Variants in TRAPPC9 observed in about 807,000 individuals in gnomAD.
TRAPPC9 encodes the protein trafficking protein particle complex subunit 9.
A neutral mutation model predicts 124.0 loss-of-function variants in TRAPPC9; 83 were observed. The ratio of observed to expected loss-of-function variants is 0.67; its 90% CI spans 0.56 to 0.80. TRAPPC9 has a LOEUF of 0.80. Among genes scored for constraint, TRAPPC9 ranks in the 30% least tolerant of loss-of-function variants. The pLI, the probability that TRAPPC9 is intolerant of heterozygous loss-of-function variation, is 0.00. For missense variants in TRAPPC9, 1,302 were observed against 1,508.3 expected, an observed-to-expected ratio of 0.86 and a Z score of 2.27; for synonymous variants, 638 against 617.5, an observed-to-expected ratio of 1.03 and a Z score of -0.49.
At chr8:139,995,579 T>C (rs1460025317) in intron 18 of TRAPPC9, among the ~76,000 whole-genome samples, 1 of 152,138 alleles carries the variant, frequency 6.6e-6, no homozygotes, top group Admixed American at 6.5e-5. Context: ...GAAGCTCATA[T>C]CCTGCCTTTG....
At chr8:140,458,289 C>A (rs1270757346), upstream of TRAPPC9, 10 of 1,556,260 alleles carry the variant, frequency 6.4e-6, no homozygotes, top group Non-Finnish European at 8.7e-6. Context: ...ACCAGTCCTT[C>A]AGGGCGCGCA....
intron 18 of TRAPPC9, among the ~76,000 whole-genome samples, chr8:140,013,794 A>ATTAT (rs1839284462): frequency 6.6e-6 from 1 of 152,224 alleles, no homozygotes; most frequent in Non-Finnish European, 1.5e-5. Context: ...ATAATTTTTC[A>ATTAT]GACACTTTAT....
intron 17 of TRAPPC9, among the ~76,000 whole-genome samples, chr8:140,116,669 G>C (rs1035939599): frequency 1.3e-5 from 2 of 152,154 alleles, no homozygotes; most frequent in Non-Finnish European, 2.9e-5. Context: ...TGCTTGCTGT[G>C]GTTTTGAGAA....
intron 17 of TRAPPC9, among the ~76,000 whole-genome samples, chr8:140,141,374 G>A (rs555723027): frequency 3.5e-4 from 54 of 152,228 alleles, no homozygotes; most frequent in South Asian, 3.1e-3. Flanking sequence ...AGACACTCTC[G>A]ACCCATCAGT....
intron 17 of TRAPPC9, among the ~76,000 whole-genome samples, chr8:140,130,319 AGAGG>A (rs2061183688): frequency 6.6e-6 from 1 of 152,194 alleles, no homozygotes; most frequent in Non-Finnish European, 1.5e-5. Flanking sequence ...TTCACAGTGG[AGAGG>A]CCGGGCAGAC....
At position 140,431,856 on chromosome 8, in the gene TRAPPC9, C is replaced by T. The variant is rs2070657719; in HGVS notation, c.859+3256G>A. ...TGCAATACTCAGGGAGTTCCAGATT[C>T]TTTTCAGCTTTAAGGTGCTCCAGAC... On this transcript the variant is annotated intron_variant, in intron 4 of 22. Transcript: ENST00000438773. 5.3e-5 allele frequency among the ~76,000 whole-genome samples: 8 copies of T among 152,308 alleles called. No homozygotes were observed. In the South Asian group the frequency reaches 1.7e-3, roughly 32 times the overall value.
chr8:140,048,957 C>G (rs1841799930), intron 17 of TRAPPC9, among the ~76,000 whole-genome samples: 1 of 152,112 alleles, frequency 6.6e-6, no homozygotes, highest in African/African-American at 2.4e-5. Flanking sequence ...AGCAGAAATT[C>G]CAGAAATGTT....
At chr8:139,942,956 C>T (rs1322297174) in intron 19 of TRAPPC9, among the ~76,000 whole-genome samples, 3 of 152,166 alleles carry the variant, frequency 2.0e-5, no homozygotes, top group African/African-American at 7.2e-5. Flanking sequence ...AGAATCTGCC[C>T]AGAGCTTTGG....
chr8:139,861,130 G>A (rs978102185), intron 21 of TRAPPC9, among the ~76,000 whole-genome samples: 8 of 152,228 alleles, frequency 5.3e-5, no homozygotes, highest in Non-Finnish European at 1.0e-4. Flanking sequence ...AATAGCACTC[G>A]AACATAAATG....
chr8:140,149,410 G>A (rs575900206), intron 17 of TRAPPC9, among the ~76,000 whole-genome samples: 5 of 152,212 alleles, frequency 3.3e-5, no homozygotes, highest in Non-Finnish European at 7.4e-5. Flanking sequence ...ACTTGAGCTC[G>A]GGAGTTCGAG....
chr8:140,143,318 T>G (rs2061408887), intron 17 of TRAPPC9, among the ~76,000 whole-genome samples: 1 of 152,214 alleles, frequency 6.6e-6, no homozygotes, highest in Non-Finnish European at 1.5e-5. Context: ...TCAGCTGCAC[T>G]GCCCACTTCC....
rs2063544254 is a variant in TRAPPC9, at chr8:140,229,586, T to G, written c.2432-8003A>C. Among the ~76,000 whole-genome samples, 4 of 151,350 alleles carry G rather than the reference T, an allele frequency of 2.6e-5. No homozygotes were observed. The South Asian group carries it at 8.4e-4, about 32-fold the overall frequency. On this transcript the variant is annotated intron_variant, in intron 16 of 22. Transcript: ENST00000438773. ...CGCACCCGGCCTCTTTTTTCTTTTT[T>G]GAGACAGAGTCTTACTCTGTCGCTG...
chr8:140,181,858 G>A (rs890723201), intron 17 of TRAPPC9, among the ~76,000 whole-genome samples: 17 of 152,134 alleles, frequency 1.1e-4, no homozygotes, highest in African/African-American at 4.1e-4. Context: ...GGAAGTCCAT[G>A]TCTCTGTGGC....
intron 17 of TRAPPC9, among the ~76,000 whole-genome samples, chr8:140,044,001 G>A (rs903747477): frequency 3.0e-4 from 45 of 152,214 alleles, no homozygotes; most frequent in Non-Finnish European, 5.0e-4. Flanking sequence ...TAAGCAGACC[G>A]CCCCATTCCT....
intron 17 of TRAPPC9, among the ~76,000 whole-genome samples, chr8:140,026,529 T>C (rs1840159076): frequency 6.6e-6 from 1 of 152,226 alleles, no homozygotes; most frequent in African/African-American, 2.4e-5. Context: ...ATGGCCATCC[T>C]AAGGGACACA....
chr8:139,971,038 A>C (rs1007256275), intron 19 of TRAPPC9, among the ~76,000 whole-genome samples: 1 of 149,602 alleles, frequency 6.7e-6, no homozygotes, highest in African/African-American at 2.5e-5. Flanking sequence ...TTCTCCTCCT[A>C]CCCACACATC....
intron 19 of TRAPPC9, among the ~76,000 whole-genome samples, chr8:139,957,269 C>A (rs1012650231): frequency 2.6e-5 from 4 of 152,346 alleles, no homozygotes; most frequent in East Asian, 1.9e-4. Flanking sequence ...ACCTGCCCTG[C>A]AGCCTTGGGG....
chr8:140,444,495 T>C (rs979056152), intron 2 of TRAPPC9, among the ~76,000 whole-genome samples: 11 of 152,056 alleles, frequency 7.2e-5, no homozygotes, highest in Non-Finnish European at 1.5e-4. Context: ...ATTTCTTTAG[T>C]AGCAGCCCCA....
At chr8:139,966,110 C>T (rs1049175638) in intron 19 of TRAPPC9, among the ~76,000 whole-genome samples, 9 of 152,182 alleles carry the variant, frequency 5.9e-5, no homozygotes, top group African/African-American at 2.2e-4. Flanking sequence ...CTGGGCCCCT[C>T]CAAGCGAGTC....
Sources: gnomAD v4.1 joint callset for allele counts (sites outside exome capture counted in the v4.1 genomes callset) on GRCh38, gnomAD v4.1.1 for gene constraint, MANE v1.5 for transcripts, NCBI Gene and HGNC (gene_info 2026-07-23, HGNC 2026-07-21) for gene names.